TRPM3: variants seen among roughly 807,000 people sequenced by gnomAD.
TRPM3 encodes long transient receptor potential channel 3.
In TRPM3, 77 loss-of-function variants were observed where a neutral mutation model predicts 181.2. That is an observed-to-expected ratio of 0.42 (90% CI 0.35 to 0.51). TRPM3 has a LOEUF of 0.51. Ranked by LOEUF, TRPM3 falls within the 20% of genes least tolerant of loss-of-function variation. The probability of loss-of-function intolerance (pLI) is 0.01; values close to 1 mark genes in which losing one functional copy is unlikely to be tolerated. For synonymous variants in TRPM3, 745 were observed against 796.4 expected (o/e 0.94, Z 1.09); for missense variants, 1,759 against 2,196.7 (o/e 0.80, Z 3.98).
chr9:71,377,466 A>G (rs1188672053), intron 1 of TRPM3, among the ~76,000 whole-genome samples: 1 of 151,994 alleles, frequency 6.6e-6, no homozygotes, highest in Non-Finnish European at 1.5e-5. Flanking sequence ...TTTGCATTCA[A>G]TAGACAGAAA....
intron 1 of TRPM3, among the ~76,000 whole-genome samples, chr9:71,107,207 G>A (rs970441607): frequency 6.6e-6 from 1 of 152,124 alleles, no homozygotes; most frequent in African/African-American, 2.4e-5. Context: ...CACCCACGAC[G>A]TGCCCCTCTA....
intron 22 of TRPM3, among the ~76,000 whole-genome samples, chr9:70,564,109 T>C (rs1007482471): frequency 6.6e-6 from 1 of 151,524 alleles, no homozygotes; most frequent in Non-Finnish European, 1.5e-5. Flanking sequence ...CTGGGAAGGG[T>C]TAGAAGAATG....
At chr9:71,432,048 A>T (rs1219270518) in intron 1 of TRPM3, among the ~76,000 whole-genome samples, 1 of 152,210 alleles carries the variant, frequency 6.6e-6, no homozygotes, top group Non-Finnish European at 1.5e-5. Flanking sequence ...TACTCTATGT[A>T]CATATAAGGA....
chr9:71,041,524 C>A (rs1461812084), intron 1 of TRPM3, among the ~76,000 whole-genome samples: 1 of 152,054 alleles, frequency 6.6e-6, no homozygotes, highest in African/African-American at 2.4e-5. Context: ...GTATGTTTTT[C>A]TGACTAACTC....
chr9:71,396,254 T>C (rs1248612203), intron 1 of TRPM3, among the ~76,000 whole-genome samples: 1 of 150,926 alleles, frequency 6.6e-6, no homozygotes, highest in African/African-American at 2.5e-5. Flanking sequence ...TGCTCTTCAG[T>C]TAATGACCTA....
intron 1 of TRPM3, among the ~76,000 whole-genome samples, chr9:71,362,237 G>A (rs146750216): frequency 8.6e-4 from 131 of 152,280 alleles, no homozygotes; most frequent in Non-Finnish European, 1.3e-3. Context: ...GGGGGTTAAG[G>A]TTCCTTTATT....
intron 1 of TRPM3, among the ~76,000 whole-genome samples, chr9:70,895,661 T>A (rs1337250529): frequency 6.6e-6 from 1 of 152,182 alleles, no homozygotes; most frequent in Non-Finnish European, 1.5e-5. Flanking sequence ...CCATTTTCAA[T>A]GAATTTCAAT....
intron 1 of TRPM3, among the ~76,000 whole-genome samples, chr9:71,053,389 G>T (rs1254339180): frequency 6.6e-6 from 1 of 152,018 alleles, no homozygotes; most frequent in Non-Finnish European, 1.5e-5. Flanking sequence ...ATTTTGAAGG[G>T]AAAGTGTCCC....
chr9:70,994,472 C>G (rs2097524147), intron 1 of TRPM3, among the ~76,000 whole-genome samples: 1 of 151,990 alleles, frequency 6.6e-6, no homozygotes, highest in African/African-American at 2.4e-5. Context: ...ATATACTTCT[C>G]TAAAGCTCCT....
At chr9:70,750,758 A>G (rs1472904217) in intron 8 of TRPM3, among the ~76,000 whole-genome samples, 1 of 152,174 alleles carries the variant, frequency 6.6e-6, no homozygotes, top group African/African-American at 2.4e-5. Context: ...CATTGTGGAG[A>G]TGTAGGGCTG....
intron 5 of TRPM3, among the ~76,000 whole-genome samples, chr9:70,828,743 G>A (rs917105325): frequency 2.8e-5 from 4 of 142,904 alleles, no homozygotes; most frequent in Admixed American, 7.4e-5. Flanking sequence ...TACCTATTGC[G>A]AGCTAGTTGC....
chr9:70,536,652 G>T lies in TRPM3; in HGVS notation c.4461C>A (p.Asp1487Glu), dbSNP rs199947582. ...TSMDTRSFSS[D>E]YTHLPECQNP... ...TTTGGCATTCTGGGAGGTGGGTGTA[G>T]TCTGAAGAAAAAGATCTAGTGTCCA... Residue 1487 changes from aspartate (D) to glutamate (E), a missense_variant, in exon 26 of 26, where the codon GAC becomes GAA. Asp to Glu is a conservative substitution (Grantham distance 45). Around this residue, in one of 8 missense-constraint regions of TRPM3, gnomAD observed 612 missense variants for 590.0 expected, o/e 1.04. Transcript: ENST00000677713. The T allele has an allele frequency of 1.9e-6, 3 of 1,614,028 alleles. No homozygotes were observed. The highest frequency in any genetic ancestry group is 2.5e-6 in the Non-Finnish European group (3 of 1,180,032).
intron 8 of TRPM3, among the ~76,000 whole-genome samples, chr9:70,687,964 G>A (rs1244737086): frequency 6.6e-6 from 1 of 152,226 alleles, no homozygotes; most frequent in Non-Finnish European, 1.5e-5. Context: ...GCAAAAGTAA[G>A]TAAAACATAT....
chr9:70,844,853 C>G (rs192318188), intron 4 of TRPM3, among the ~76,000 whole-genome samples: 23 of 152,258 alleles, frequency 1.5e-4, no homozygotes, highest in Admixed American at 3.9e-4. Flanking sequence ...ACCTGTAGAA[C>G]CCTTTGAGTT....
At chr9:71,417,612 A>C (rs529681965) in intron 1 of TRPM3, among the ~76,000 whole-genome samples, 2 of 152,176 alleles carry the variant, frequency 1.3e-5, no homozygotes, top group East Asian at 3.9e-4. Context: ...TTAGTAAATA[A>C]AAATTCATCC....
At chr9:71,047,842 ACACACACAC>A (rs1358170474) in intron 1 of TRPM3, among the ~76,000 whole-genome samples, 1 of 150,698 alleles carries the variant, frequency 6.6e-6, no homozygotes, top group East Asian at 1.9e-4. Context: ...ACACACACAC[ACACACACAC>A]ACACACACTC....
At chr9:71,222,875 C>A (rs534828633) in intron 1 of TRPM3, among the ~76,000 whole-genome samples, 1 of 152,246 alleles carries the variant, frequency 6.6e-6, no homozygotes, top group Non-Finnish European at 1.5e-5. Context: ...AGAGGAATTG[C>A]CCATGGCAGA....
At chr9:70,852,182 GAAC>G (rs1263751826) in intron 3 of TRPM3, among the ~76,000 whole-genome samples, 1 of 80,962 alleles carries the variant, frequency 1.2e-5, no homozygotes, top group East Asian at 3.6e-4. Context: ...CAAAAAACAA[GAAC>G]AACAAAATAA....
At chr9:70,951,688 T>C (rs1296600191) in intron 1 of TRPM3, among the ~76,000 whole-genome samples, 2 of 152,178 alleles carry the variant, frequency 1.3e-5, no homozygotes, top group East Asian at 3.9e-4. Context: ...AGGATGTAAG[T>C]ATTGTTGCTT....
Sources: gnomAD v4.1 joint callset for allele counts (sites outside exome capture counted in the v4.1 genomes callset) on GRCh38, gnomAD v4.1.1 for gene constraint, gnomAD v4.1.1 regional missense constraint, MANE v1.5 for transcripts, NCBI Gene and HGNC (gene_info 2026-07-23, HGNC 2026-07-21) for gene names.